The following MTA3 variants were observed in gnomAD, a reference collection of about 807,000 sequenced individuals.
MTA3 encodes metastasis associated 1 family member 3.
In MTA3, 34 loss-of-function variants were observed where a neutral mutation model predicts 83.5. That is an observed-to-expected ratio of 0.41 (90% CI 0.31 to 0.54). The LOEUF (loss-of-function observed/expected upper bound fraction) is 0.54. Among genes scored for constraint, MTA3 ranks in the 20% least tolerant of loss-of-function variants. The pLI is 0.33. For missense variants in MTA3, 761 were observed against 726.4 expected (o/e 1.05, Z -0.55); for synonymous variants, 303 against 252.7 (o/e 1.20, Z -1.89).
At chr2:42,544,364 C>G (rs932037619) in intron 2 of MTA3, among the ~76,000 whole-genome samples, 4 of 151,348 alleles carry the variant, frequency 2.6e-5, no homozygotes, top group African/African-American at 9.7e-5. Flanking sequence ...GAGAATCGCT[C>G]GAACCCAGGA....
At chr2:42,620,747 G>C (rs1213760285) in intron 4 of MTA3, among the ~76,000 whole-genome samples, 1 of 152,118 alleles carries the variant, frequency 6.6e-6, no homozygotes, top group African/African-American at 2.4e-5. Context: ...TCCCATCTTG[G>C]CCTCTCGAAG....
intron 6 of MTA3, among the ~76,000 whole-genome samples, chr2:42,652,731 A>T (rs906943340): frequency 6.6e-6 from 1 of 152,104 alleles, no homozygotes; most frequent in South Asian, 2.1e-4. Flanking sequence ...TTTATTTCCT[A>T]GTGTTTTATA....
In MTA3 at chr2:42,635,907, A is replaced by G. The variant is rs537189482; in HGVS notation, c.318-4266A>G. 3.8e-4 allele frequency among the ~76,000 whole-genome samples: 58 copies of G among 152,160 alleles called. 1 individual carries two copies. In the East Asian group the frequency reaches 9.9e-3, roughly 26 times the overall value. ...CAGCCTCCGCAGTAGCTGGGATTACAGGCGTGCACCACCACACCCAGCTAA... is the reference window on the plus strand; with the variant it reads ...CAGCCTCCGCAGTAGCTGGGATTACGGGCGTGCACCACCACACCCAGCTAA... On this transcript the variant is annotated intron_variant, in intron 4 of 16. Coordinates refer to ENST00000405094, the MANE Select transcript of MTA3 (RefSeq NM_001330442.2).
At chr2:42,643,041 C>G (rs369386477) in intron 5 of MTA3, among the ~76,000 whole-genome samples, 1 of 146,540 alleles carries the variant, frequency 6.8e-6, no homozygotes, top group African/African-American at 2.5e-5. Flanking sequence ...GTCTCCCCCC[C>G]CCCCCTTTTT....
intron 2 of MTA3, among the ~76,000 whole-genome samples, chr2:42,501,237 G>T (rs1253196690): frequency 1.3e-5 from 2 of 152,200 alleles, no homozygotes; most frequent in Non-Finnish European, 2.9e-5. Context: ...CAGAAGGTAA[G>T]TGTTGTTTTA....
intron 16 of MTA3, among the ~76,000 whole-genome samples, chr2:42,744,178 G>C (rs1239555526): frequency 2.6e-5 from 4 of 152,204 alleles, no homozygotes; most frequent in Non-Finnish European, 5.9e-5. Flanking sequence ...TTGAAGCATT[G>C]TCTGAGGGCA....
intron 16 of MTA3, among the ~76,000 whole-genome samples, chr2:42,727,873 A>G (rs989279504): frequency 2.0e-5 from 3 of 152,198 alleles, no homozygotes; most frequent in South Asian, 2.1e-4. Flanking sequence ...ATGTTTTGAT[A>G]CAGGCATATA....
chr2:42,647,155 T>TAAAAAAAAAAAACAAAAAAAAAACAACA (rs762680843), intron 6 of MTA3, among the ~76,000 whole-genome samples: 1 of 92,076 alleles, frequency 1.1e-5, no homozygotes, highest in African/African-American at 5.1e-5. Context: ...AGACTCTGTC[T>TAAAAAAAAAAAACAAAAAAAAAACAACA]AAAAAAAAAA....
At chr2:42,518,670 A>G (rs1469204617) in intron 2 of MTA3, among the ~76,000 whole-genome samples, 2 of 149,700 alleles carry the variant, frequency 1.3e-5, no homozygotes, top group Non-Finnish European at 3.0e-5. Flanking sequence ...GCTCATAATG[A>G]CTTCCTTCCA....
intron 14 of MTA3, among the ~76,000 whole-genome samples, chr2:42,716,604 A>T (rs2104527898): frequency 6.6e-6 from 1 of 152,260 alleles, no homozygotes; most frequent in Admixed American, 6.5e-5. Context: ...TTACTGTATT[A>T]GTTTGCTAAG....
chr2:42,515,378 G>A (rs966265484), intron 2 of MTA3, among the ~76,000 whole-genome samples: 2 of 151,886 alleles, frequency 1.3e-5, no homozygotes, highest in Admixed American at 1.3e-4. Context: ...TTTTGAGATG[G>A]CATCTATGTT....
chr2:42,724,407 T>C (rs2104547126), intron 16 of MTA3, among the ~76,000 whole-genome samples: 1 of 150,894 alleles, frequency 6.6e-6, no homozygotes, highest in East Asian at 2.0e-4. Flanking sequence ...CCCAACACTT[T>C]GGGAGGCTGA....
intron 2 of MTA3, among the ~76,000 whole-genome samples, chr2:42,578,094 A>G (rs889036791): frequency 6.6e-6 from 1 of 152,228 alleles, no homozygotes; most frequent in African/African-American, 2.4e-5. Context: ...GCTGGACTTC[A>G]TAAAATTGAC....
chr2:42,618,190 C>T (rs910118515), intron 4 of MTA3, among the ~76,000 whole-genome samples: 2 of 151,798 alleles, frequency 1.3e-5, no homozygotes, highest in Non-Finnish European at 2.9e-5. Context: ...TCATGTAATC[C>T]TTCCACCCTG....
intron 2 of MTA3, among the ~76,000 whole-genome samples, chr2:42,550,109 C>T (rs1419948578): frequency 6.6e-6 from 1 of 152,012 alleles, no homozygotes; most frequent in East Asian, 1.9e-4. Flanking sequence ...AAGTTCTCAG[C>T]TTACTAAGGA....
chr2:42,708,968 A>G lies in MTA3; in HGVS notation c.1397A>G (p.Gln466Arg), dbSNP rs1312296656. The G allele has an allele frequency of 6.2e-7, 1 of 1,613,922 alleles. No individual in the cohort carries two copies. Among genetic ancestry groups the G allele is most frequent in the African/African-American group, 1.3e-5 (1 of 74,940 alleles). The change falls in exon 14 of 17, where the codon CAA becomes CGA. Residue 466 changes from glutamine (Q) to arginine (R), a missense_variant. Transcript: ENST00000405094. ...GSPKSAVKTR[Q>R]AFFLHTTYFT... The stretch of plus-strand genomic sequence containing the variant: ...CCAAAGTCTGCAGTGAAGACCCGCC[A>G]AGCTTTCTTCCTTCATACTACATAT...
chr2:42,603,707 T>C (rs1558485047), intron 3 of MTA3, among the ~76,000 whole-genome samples: 7 of 152,212 alleles, frequency 4.6e-5, no homozygotes. Context: ...AGTTCAGCAG[T>C]TCCTGAAATC....
intron 4 of MTA3, among the ~76,000 whole-genome samples, chr2:42,614,825 A>G (rs934070885): frequency 2.6e-5 from 4 of 152,036 alleles, no homozygotes; most frequent in African/African-American, 9.7e-5. Context: ...TAATAAAAAA[A>G]TTAGCATGGC....
intron 15 of MTA3, among the ~76,000 whole-genome samples, chr2:42,719,745 T>C (rs1439645): frequency 0.65 from 98,824 of 152,042 alleles, 32,892 homozygotes; most frequent in South Asian, 0.8. Flanking sequence ...TTCTTATTTT[T>C]ATCATGCCAT....
Sources: allele counts gnomAD v4.1 joint callset (sites outside exome capture counted in the v4.1 genomes callset), GRCh38; gene constraint gnomAD v4.1.1; transcripts MANE v1.5; gene names NCBI Gene and HGNC (gene_info 2026-07-23, HGNC 2026-07-21).